The following MTMR9 variants were observed in gnomAD, a reference collection of about 807,000 sequenced individuals.
MTMR9 encodes myotubularin-related protein 9.
In MTMR9, 39 loss-of-function variants were observed where a neutral mutation model predicts 69.5. That is an observed-to-expected ratio of 0.56 (90% CI 0.43 to 0.73). The LOEUF is 0.73. MTMR9 is among the 30% of genes least tolerant of loss of function. The pLI is 0.00. For missense variants in MTMR9, 900 were observed against 671.2 expected (o/e 1.34, Z -3.77); for synonymous variants, 354 against 240.8 (o/e 1.47, Z -4.35).
intron 1 of MTMR9, among the ~76,000 whole-genome samples, chr8:11,293,592 A>T (rs973242016): frequency 1.3e-5 from 2 of 151,968 alleles, no homozygotes; most frequent in African/African-American, 4.8e-5. Flanking sequence ...TCTTTTATAG[A>T]TTGGGATTTT....
At chr8:11,301,028 C>G (rs979388016) in intron 3 of MTMR9, among the ~76,000 whole-genome samples, 2 of 152,088 alleles carry the variant, frequency 1.3e-5, no homozygotes, top group Non-Finnish European at 2.9e-5. Flanking sequence ...ATGGGTGGTG[C>G]TATGTTCTAA....
Position 11,325,764 on chromosome 8 carries a change from A to G in MTMR9, c.*2976A>G, listed in dbSNP as rs1800905097. ...TTCAATAAATATTTATTTGGTCAAA[A>G]TTTTTTATTTTGATTTTATTAAATG... On this transcript the variant is annotated 3_prime_UTR_variant, in exon 10 of 10. Transcript: ENST00000221086. 2.0e-5 allele frequency: 3 copies of G among 151,942 alleles called. No homozygotes were observed. Among genetic ancestry groups the G allele is most frequent in the Admixed American group, 2.0e-4 (3 of 15,236 alleles). 9.4% of individuals were successfully genotyped at this position (151,942 alleles called of 1,614,324 possible).
At chr8:11,305,753 T>C (rs1390630830) in intron 4 of MTMR9, among the ~76,000 whole-genome samples, 2 of 152,170 alleles carry the variant, frequency 1.3e-5, no homozygotes, top group Non-Finnish European at 2.9e-5. Context: ...ATGAGAACAG[T>C]GTTTGAACTT....
At position 11,300,059 on chromosome 8, in the gene MTMR9, C is replaced by G; in HGVS notation, c.328C>G (p.Pro110Ala). 1 of 1,613,480 alleles carries G rather than the reference C, an allele frequency of 6.2e-7. No homozygotes were observed. The highest frequency in any genetic ancestry group is 8.5e-7 in the Non-Finnish European group (1 of 1,179,652). The change falls in exon 3 of 10, where the codon CCT becomes GCT. Residue 110 changes from proline to alanine, a missense_variant. Physicochemically the swap from Pro to Ala is conservative, Grantham distance 27. Transcript: ENST00000221086. ...STLDSITLMYPFFYRPMFEVI... is the reference protein window; with the variant it reads ...STLDSITLMYAFFYRPMFEVI... Reference sequence around the variant, plus strand: ...TCTGGACTCCATCACTCTGATGTACCCTTTCTTTTACCGTCCTATGTTTGA... The same window carrying G: ...TCTGGACTCCATCACTCTGATGTACGCTTTCTTTTACCGTCCTATGTTTGA...
intron 1 of MTMR9, among the ~76,000 whole-genome samples, chr8:11,292,297 C>T (rs1019786692): frequency 1.3e-5 from 2 of 152,084 alleles, no homozygotes; most frequent in African/African-American, 4.8e-5. Flanking sequence ...TATTCTTATG[C>T]AAGTCTTTGA....
chr8:11,303,414 G>C (rs1235692623), intron 3 of MTMR9, among the ~76,000 whole-genome samples: 1 of 151,926 alleles, frequency 6.6e-6, no homozygotes, highest in Non-Finnish European at 1.5e-5. Flanking sequence ...CACTGAAAAA[G>C]CTAAAAATGT....
chr8:11,313,395 T>C (rs564199787), intron 6 of MTMR9, among the ~76,000 whole-genome samples: 38 of 152,378 alleles, frequency 2.5e-4, no homozygotes, highest in Non-Finnish European at 1.3e-4. Context: ...ATCATTTATG[T>C]GTTCGCTGGA....
Position 11,322,743 on chromosome 8 carries a change from G to A in MTMR9, c.1605G>A (p.Gln535=), listed in dbSNP as rs765869221. 1.9e-6 allele frequency: 3 copies of A among 1,614,052 alleles called. No homozygotes were observed. The highest frequency in any genetic ancestry group is 2.2e-5 in the East Asian group (1 of 44,870). ...CAAAAGTCAATATCCTTCGAAGGCA[G>A]TTGGCAGAACTGGAAACAGAGGACG... ...LQAKVNILRR[Q]LAELETEDGM... Residue 535 remains glutamine, a synonymous_variant, in exon 10 of 10, where the codon CAG becomes CAA. Transcript: ENST00000221086.
intron 6 of MTMR9, among the ~76,000 whole-genome samples, chr8:11,313,201 G>C (rs1800275948): frequency 6.6e-6 from 1 of 152,210 alleles, no homozygotes; most frequent in Non-Finnish European, 1.5e-5. Context: ...GCCTCTGCTA[G>C]TTTCCAACTT....
intron 5 of MTMR9, among the ~76,000 whole-genome samples, chr8:11,308,737 C>G (rs1186449220): frequency 6.6e-6 from 1 of 152,138 alleles, no homozygotes; most frequent in Non-Finnish European, 1.5e-5. Flanking sequence ...TTGTTTTTCT[C>G]TCTGTTTTTA....
chr8:11,310,361 G>A (rs1800148334), intron 6 of MTMR9, among the ~76,000 whole-genome samples: 1 of 152,222 alleles, frequency 6.6e-6, no homozygotes, highest in Admixed American at 6.5e-5. Flanking sequence ...GGATTCCACT[G>A]AAACAGTAGG....
intron 4 of MTMR9, among the ~76,000 whole-genome samples, chr8:11,305,874 T>A (rs574574463): frequency 6.6e-6 from 1 of 152,234 alleles, no homozygotes; most frequent in Non-Finnish European, 1.5e-5. Context: ...CATTATTGTC[T>A]TTATTACAGG....
downstream of MTMR9, among the ~76,000 whole-genome samples, chr8:11,332,472 A>C (rs77581670): frequency 7.1e-3 from 1,085 of 152,292 alleles, 11 homozygotes; most frequent in African/African-American, 0.025. Context: ...TGTTTGAACA[A>C]AATGAGAATA....
chr8:11,339,371 C>T, the MTMR9 span, among the ~76,000 whole-genome samples: 7 of 152,152 alleles, frequency 4.6e-5, no homozygotes, highest in East Asian at 1.9e-4. Flanking sequence ...ATATGGCCCC[C>T]GGCCTTTAAT....
Position 11,325,507 on chromosome 8 carries a change from T to G in MTMR9, c.*2719T>G, listed in dbSNP as rs961749209. On this transcript the variant is annotated 3_prime_UTR_variant, in exon 10 of 10. Transcript: ENST00000221086. The stretch of plus-strand genomic sequence containing the variant: ...CGTGAGGGATAATCAGATTCCTGCG[T>G]ATTCAGCATCTTCTCTATTCATGTG... The G allele has an allele frequency of 2.0e-5, 3 of 152,204 alleles. No individual in the cohort carries two copies. Among genetic ancestry groups the G allele is most frequent in the Non-Finnish European group, 4.4e-5 (3 of 68,042 alleles). The allele number at this position is 152,204 out of a possible 1,614,324, so 9.4% of individuals were successfully genotyped here.
the MTMR9 span, among the ~76,000 whole-genome samples, chr8:11,336,072 A>G: frequency 6.6e-6 from 1 of 152,248 alleles, no homozygotes; most frequent in Non-Finnish European, 1.5e-5. Flanking sequence ...TGGTGAGGAC[A>G]AATCACTCCT....
downstream of MTMR9, among the ~76,000 whole-genome samples, chr8:11,332,827 C>T (rs770780061): frequency 1.3e-5 from 2 of 152,152 alleles, no homozygotes; most frequent in Non-Finnish European, 2.9e-5. Context: ...GTCTCAAACT[C>T]CTGACCTTGT....
chr8:11,298,942 A>C (rs943197879), intron 2 of MTMR9: 1 of 891,140 alleles, frequency 1.1e-6, no homozygotes, highest in Non-Finnish European at 1.3e-6. Flanking sequence ...CTGCAGCATG[A>C]AAATATGATG....
At chr8:11,331,179 C>G (rs200249821), downstream of MTMR9, 1 of 1,613,600 alleles carries the variant, frequency 6.2e-7, no homozygotes, top group Admixed American at 1.7e-5. Context: ...TCCACCCAGC[C>G]TCCGCTGGCA....
Sources: allele counts gnomAD v4.1 joint callset (sites outside exome capture counted in the v4.1 genomes callset), GRCh38; gene constraint gnomAD v4.1.1; transcripts MANE v1.5; gene names NCBI Gene and HGNC (gene_info 2026-07-23, HGNC 2026-07-21).